The following MSRA variants were observed in gnomAD, a reference collection of about 807,000 sequenced individuals.
MSRA encodes the protein methionine sulfoxide reductase A.
Under a neutral mutation model 31.3 loss-of-function variants are expected in MSRA, and 54 were observed. The observed-to-expected ratio is 1.73, with a 90% CI of 1.39 to 2.17. The LOEUF is 2.17. Among genes scored for constraint, MSRA ranks in the 30% most tolerant of loss-of-function variants. The probability of loss-of-function intolerance (pLI) is 0.00; values close to 1 mark genes in which losing one functional copy is unlikely to be tolerated. For synonymous variants in MSRA, 169 were observed against 116.5 expected (o/e 1.45, Z -2.90); for missense variants, 507 against 300.9 (o/e 1.69, Z -5.07).
intron 5 of MSRA, among the ~76,000 whole-genome samples, chr8:10,343,587 G>C (rs1803579904): frequency 6.6e-6 from 1 of 152,148 alleles, no homozygotes; most frequent in Admixed American, 6.5e-5. Context: ...ATCAGTTCAT[G>C]GGAGAGCTTA....
chr8:10,091,721 C>A (rs899237412), intron 1 of MSRA, among the ~76,000 whole-genome samples: 4 of 151,938 alleles, frequency 2.6e-5, no homozygotes, highest in Non-Finnish European at 5.9e-5. Flanking sequence ...ATTCTCGTGC[C>A]TCAGCATCCC....
At chr8:10,342,862 C>T (rs959642702) in intron 5 of MSRA, among the ~76,000 whole-genome samples, 1 of 152,216 alleles carries the variant, frequency 6.6e-6, no homozygotes, top group Non-Finnish European at 1.5e-5. Context: ...CCAATCCCAG[C>T]TCTGCCACTG....
At chr8:10,115,913 T>G (rs183154523) in intron 1 of MSRA, among the ~76,000 whole-genome samples, 3 of 152,122 alleles carry the variant, frequency 2.0e-5, no homozygotes, top group Non-Finnish European at 4.4e-5. Context: ...GATACTAATT[T>G]TTGAATAAAA....
chr8:10,283,838 C>T (rs7460167), intron 3 of MSRA, among the ~76,000 whole-genome samples: 14,395 of 56,246 alleles, frequency 0.26, 1,433 homozygotes, highest in East Asian at 0.35. Flanking sequence ...TATATATATA[C>T]ACACACACAC....
At position 10,355,680 on chromosome 8, in the gene MSRA, G is replaced by A. The variant is rs74551449; in HGVS notation, c.543+35691G>A. On this transcript the variant is annotated intron_variant, in intron 5 of 5. Transcript: ENST00000317173. ...GTAGCTTCTGAATGTCCTGGCTGCT[G>A]GGATCCTAGTAGCTTTCCTGGGTGC... 3.2e-3 allele frequency among the ~76,000 whole-genome samples: 483 copies of A among 152,266 alleles called. 9 individuals are homozygous for A. The highest frequency in any genetic ancestry group is 0.031 in the East Asian group (162 of 5,170).
At chr8:10,099,186 G>C (rs933599323) in intron 1 of MSRA, among the ~76,000 whole-genome samples, 3 of 152,130 alleles carry the variant, frequency 2.0e-5, no homozygotes, top group African/African-American at 7.2e-5. Context: ...CAAAAAGAAG[G>C]CATAGGTTCA....
At chr8:10,258,827 C>T (rs1312463586) in intron 3 of MSRA, among the ~76,000 whole-genome samples, 5 of 152,184 alleles carry the variant, frequency 3.3e-5, no homozygotes, top group African/African-American at 9.6e-5. Context: ...AGATAGACAG[C>T]GAGGTGCGGA....
At chr8:10,420,124 A>T (rs1042333170) in intron 5 of MSRA, among the ~76,000 whole-genome samples, 3 of 152,166 alleles carry the variant, frequency 2.0e-5, no homozygotes, top group African/African-American at 7.2e-5. Flanking sequence ...GGGTATTCTG[A>T]CGCATGCCAC....
At chr8:10,283,834 T>TACACACACACACACACACAC (rs1481715144) in intron 3 of MSRA, among the ~76,000 whole-genome samples, 179 of 71,048 alleles carry the variant, frequency 2.5e-3, no homozygotes, top group Non-Finnish European at 3.8e-3. Context: ...TATATATATA[T>TACACACACACACACACACAC]ATACACACAC....
intron 1 of MSRA, among the ~76,000 whole-genome samples, chr8:10,161,822 C>T (rs79980628): frequency 0.055 from 8,235 of 150,228 alleles, 360 homozygotes; most frequent in African/African-American, 0.12. Flanking sequence ...TTCGTGAATC[C>T]CGCCCCGCCC....
At chr8:10,167,407 T>C (rs1805238740) in intron 1 of MSRA, among the ~76,000 whole-genome samples, 1 of 152,200 alleles carries the variant, frequency 6.6e-6, no homozygotes, top group Non-Finnish European at 1.5e-5. Flanking sequence ...CAAATCACTT[T>C]TAAGTATGAC....
chr8:10,220,336 G>A (rs903689337), intron 2 of MSRA, among the ~76,000 whole-genome samples: 1 of 152,126 alleles, frequency 6.6e-6, no homozygotes, highest in Non-Finnish European at 1.5e-5. Flanking sequence ...TATCCTTCCA[G>A]ATTTCAGCTG....
chr8:10,094,647 T>C (rs910803210), intron 1 of MSRA, among the ~76,000 whole-genome samples: 1 of 152,194 alleles, frequency 6.6e-6, no homozygotes, highest in African/African-American at 2.4e-5. Context: ...AAACGATGAT[T>C]CTAGAATGTG....
At chr8:10,310,405 A>G (rs1381602488) in intron 4 of MSRA, among the ~76,000 whole-genome samples, 3 of 152,218 alleles carry the variant, frequency 2.0e-5, no homozygotes, top group Non-Finnish European at 2.9e-5. Context: ...ACATTATCAT[A>G]CGTGTTCATA....
intron 2 of MSRA, among the ~76,000 whole-genome samples, chr8:10,210,796 C>G (rs144435243): frequency 6.6e-6 from 1 of 151,406 alleles, no homozygotes; most frequent in Non-Finnish European, 1.5e-5. Context: ...TGCACTGGCA[C>G]GATCTGAGCT....
At chr8:10,178,157 G>A (rs1042616221) in intron 1 of MSRA, among the ~76,000 whole-genome samples, 7 of 152,130 alleles carry the variant, frequency 4.6e-5, no homozygotes, top group African/African-American at 1.7e-4. Flanking sequence ...AATTATCCAT[G>A]ACATTTAAAA....
intron 1 of MSRA, among the ~76,000 whole-genome samples, chr8:10,070,557 T>G (rs1252721532): frequency 6.6e-6 from 1 of 152,200 alleles, no homozygotes; most frequent in Non-Finnish European, 1.5e-5. Flanking sequence ...AGTACGTCAT[T>G]ACAACGAGGA....
At chr8:10,191,564 A>G (rs1172227302) in intron 1 of MSRA, among the ~76,000 whole-genome samples, 2 of 152,202 alleles carry the variant, frequency 1.3e-5, no homozygotes, top group Non-Finnish European at 2.9e-5. Context: ...CTTACACTCT[A>G]TTCCTAGACT....
chr8:10,299,136 G>C (rs1800704592), intron 3 of MSRA, among the ~76,000 whole-genome samples: 1 of 151,996 alleles, frequency 6.6e-6, no homozygotes, highest in Non-Finnish European at 1.5e-5. Context: ...CTTTCATTTT[G>C]ATCACTAAAA....
Sources: gnomAD v4.1 joint callset for allele counts (sites outside exome capture counted in the v4.1 genomes callset) on GRCh38, gnomAD v4.1.1 for gene constraint, MANE v1.5 for transcripts, NCBI Gene and HGNC (gene_info 2026-07-23, HGNC 2026-07-21) for gene names.